The following DOCK3 variants were observed in gnomAD, a reference collection of about 807,000 sequenced individuals.
The protein encoded by DOCK3 is dedicator of cytokinesis protein 3.
DOCK3 carries 60 observed loss-of-function variants against 265.6 expected under a neutral mutation model. The observed-to-expected ratio is 0.23, with a 90% CI of 0.18 to 0.28. The LOEUF is 0.28. Among genes scored for constraint, DOCK3 ranks in the 10% least tolerant of loss-of-function variants. The pLI, the probability that DOCK3 is intolerant of heterozygous loss-of-function variation, is 1.00. For missense variants in DOCK3, 1,981 were observed against 2,594.3 expected, an observed-to-expected ratio of 0.76 and a Z score of 5.14; for synonymous variants, 881 against 938.0, an observed-to-expected ratio of 0.94 and a Z score of 1.11.
chr3:50,705,501 C>T (rs763830155), intron 1 of DOCK3, among the ~76,000 whole-genome samples: 2 of 152,072 alleles, frequency 1.3e-5, no homozygotes, highest in East Asian at 1.9e-4. Context: ...CTGCAACCTC[C>T]GCCTGCTGGG....
chr3:51,262,613 A>G (rs2079919689), intron 23 of DOCK3, among the ~76,000 whole-genome samples: 1 of 152,230 alleles, frequency 6.6e-6, no homozygotes, highest in South Asian at 2.1e-4. Flanking sequence ...GGTAATAACA[A>G]ACTCCTCCAA....
chr3:50,695,498 A>G (rs1249868871), intron 1 of DOCK3, among the ~76,000 whole-genome samples: 1 of 152,210 alleles, frequency 6.6e-6, no homozygotes, highest in Non-Finnish European at 1.5e-5. Context: ...AGTCAGATGT[A>G]AGAGGCCTCT....
At chr3:50,794,938 C>T (rs140778304) in intron 2 of DOCK3, among the ~76,000 whole-genome samples, 3,047 of 152,178 alleles carry the variant, frequency 0.02, 52 homozygotes, top group Non-Finnish European at 0.03. Flanking sequence ...TAACGAATTT[C>T]CTCAGTGTTT....
intron 1 of DOCK3, among the ~76,000 whole-genome samples, chr3:50,707,906 TGTG>T (rs34023102): frequency 0.094 from 14,354 of 151,970 alleles, 827 homozygotes; most frequent in Non-Finnish European, 0.12. Flanking sequence ...GTATGTGTGT[TGTG>T]GTGGTGGTGC....
intron 3 of DOCK3, among the ~76,000 whole-genome samples, chr3:50,872,813 G>A (rs2047494733): frequency 1.3e-5 from 2 of 152,138 alleles, no homozygotes; most frequent in South Asian, 2.1e-4. Context: ...TCATCCTGTG[G>A]CTCCTGCCAT....
chr3:51,328,766 G>A (rs901615419), intron 32 of DOCK3, among the ~76,000 whole-genome samples: 2 of 152,066 alleles, frequency 1.3e-5, no homozygotes, highest in Non-Finnish European at 2.9e-5. Context: ...AGTGAGAAAG[G>A]CTTCTGTTTA....
intron 10 of DOCK3, among the ~76,000 whole-genome samples, chr3:51,156,386 C>G (rs2085852749): frequency 6.6e-6 from 1 of 152,194 alleles, no homozygotes; most frequent in Non-Finnish European, 1.5e-5. Context: ...GCCATGTAAT[C>G]AGGACTGAAA....
chr3:51,083,597 A>G (rs894374124), intron 7 of DOCK3, among the ~76,000 whole-genome samples: 1 of 152,244 alleles, frequency 6.6e-6, no homozygotes, highest in Non-Finnish European at 1.5e-5. Context: ...CATCATAGAA[A>G]GGAACCAAAC....
intron 2 of DOCK3, among the ~76,000 whole-genome samples, chr3:50,823,965 C>G (rs2044608906): frequency 6.6e-6 from 1 of 152,158 alleles, no homozygotes; most frequent in African/African-American, 2.4e-5. Context: ...GTTGAGGAAG[C>G]TAAACTTAAA....
chr3:51,199,818 T>A (rs1312444756), intron 12 of DOCK3, among the ~76,000 whole-genome samples: 3 of 152,166 alleles, frequency 2.0e-5, no homozygotes, highest in Non-Finnish European at 4.4e-5. Context: ...CACGGCCAGG[T>A]ACTCCTCTGA....
At chr3:51,028,776 C>CT (rs1235416241) in intron 5 of DOCK3, among the ~76,000 whole-genome samples, 2 of 151,958 alleles carry the variant, frequency 1.3e-5, no homozygotes, top group South Asian at 2.1e-4. Flanking sequence ...CTGTTTGGTT[C>CT]TTTTTTTAAT....
chr3:51,272,350 C>A (rs921884411), intron 24 of DOCK3, among the ~76,000 whole-genome samples: 2 of 150,272 alleles, frequency 1.3e-5, no homozygotes, highest in African/African-American at 2.5e-5. Context: ...GATCTCAGCT[C>A]ACCGCAGCCT....
rs2081615150 is a variant in DOCK3 at position 51,289,602 on chromosome 3, C to T, written c.2922+9398C>T. Among the ~76,000 whole-genome samples, 3 of 151,544 alleles carry T rather than the reference C, an allele frequency of 2.0e-5. No homozygotes were observed. In the South Asian group the frequency reaches 6.2e-4, roughly 32 times the overall value. The stretch of plus-strand genomic sequence containing the variant: ...TTGAATGTAAATAGATTAAATTCTC[C>T]AATCAAAAGACGTGGAGTTCCTGAA... On this transcript the variant is annotated intron_variant, in intron 27 of 52. Coordinates refer to ENST00000266037, the MANE Select transcript of DOCK3 (RefSeq NM_004947.5).
chr3:51,067,080 A>C (rs1358233305), intron 6 of DOCK3, among the ~76,000 whole-genome samples: 2 of 152,204 alleles, frequency 1.3e-5, no homozygotes, highest in Non-Finnish European at 1.5e-5. Context: ...TTTTAAGTCA[A>C]TGATAAGAAT....
intron 9 of DOCK3, among the ~76,000 whole-genome samples, chr3:51,096,311 T>A (rs1026637508): frequency 6.6e-6 from 1 of 152,236 alleles, no homozygotes; most frequent in African/African-American, 2.4e-5. Context: ...AGTCCCATAT[T>A]TCTTGGAGGC....
chr3:51,111,134 G>T (rs989542198), intron 9 of DOCK3, among the ~76,000 whole-genome samples: 11 of 152,108 alleles, frequency 7.2e-5, no homozygotes, highest in African/African-American at 2.7e-4. Context: ...GGAGGTGAGA[G>T]ATCTCTACAA....
chr3:51,165,780 T>C (rs2086371699), intron 12 of DOCK3, among the ~76,000 whole-genome samples: 1 of 152,164 alleles, frequency 6.6e-6, no homozygotes, highest in African/African-American at 2.4e-5. Flanking sequence ...GATTCCCTTT[T>C]TTATTATGGA....
At chr3:51,042,538 A>G (rs1479736805) in intron 5 of DOCK3, among the ~76,000 whole-genome samples, 1 of 152,176 alleles carries the variant, frequency 6.6e-6, no homozygotes, top group African/African-American at 2.4e-5. Context: ...GGCACAAGAC[A>G]AGGATGCCCT....
At chr3:51,379,687 A>G (rs2088459119) in intron 51 of DOCK3, 1 of 963,460 alleles carries the variant, frequency 1.0e-6, no homozygotes, top group Non-Finnish European at 1.2e-6. Context: ...CGACTCAGCC[A>G]AAGCCAAAAC....
Sources: allele counts gnomAD v4.1 joint callset (sites outside exome capture counted in the v4.1 genomes callset), GRCh38; gene constraint gnomAD v4.1.1; transcripts MANE v1.5; gene names NCBI Gene and HGNC (gene_info 2026-07-23, HGNC 2026-07-21).